The following NSDHL variants were observed in gnomAD, a reference collection of about 807,000 sequenced individuals.
NSDHL encodes NAD(P) dependent 3-beta-hydroxysteroid dehydrogenase NSDHL.
Under a neutral mutation model 23.0 loss-of-function variants are expected in NSDHL, and 1 was observed. That is an observed-to-expected ratio of 0.04 (90% CI 0.02 to 0.21). The LOEUF is 0.21. NSDHL is among the 10% of genes least tolerant of loss of function. The pLI, the probability that NSDHL is intolerant of heterozygous loss-of-function variation, is 1.00. For missense variants in NSDHL, 237 were observed against 300.9 expected, an observed-to-expected ratio of 0.79 and a Z score of 1.57; for synonymous variants, 128 against 121.1, an observed-to-expected ratio of 1.06 and a Z score of -0.37.
At chrX:152,854,875 G>A (rs782797189) in intron 3 of NSDHL, among the ~76,000 whole-genome samples, 1 of 108,387 alleles carries the variant, frequency 9.2e-6, no homozygotes, top group Non-Finnish European at 1.9e-5. Flanking sequence ...TTAAAAATGT[G>A]TTTTTATAGT....
chrX:152,868,424 C>T (rs782597869), intron 7 of NSDHL, among the ~76,000 whole-genome samples: 8 of 112,062 alleles, frequency 7.1e-5, no homozygotes, highest in Admixed American at 6.6e-4. Flanking sequence ...TGAGCCACCG[C>T]GCCTGGCCCG....
intron 1 of NSDHL, among the ~76,000 whole-genome samples, chrX:152,841,486 T>A (rs1308403781): frequency 3.6e-5 from 4 of 112,667 alleles, no homozygotes; most frequent in Non-Finnish European, 5.6e-5. Flanking sequence ...TAGCCTTATT[T>A]TGCTGTGGCA....
At chrX:152,852,419 A>T (rs1334257902) in intron 3 of NSDHL, among the ~76,000 whole-genome samples, 2 of 111,375 alleles carry the variant, frequency 1.8e-5, no homozygotes, top group Non-Finnish European at 3.8e-5. Flanking sequence ...AGGTCTTTGA[A>T]CTGAGTATAT....
chrX:152,836,465 G>C (rs1233584301), intron 1 of NSDHL, among the ~76,000 whole-genome samples: 2 of 111,649 alleles, frequency 1.8e-5, no homozygotes, highest in East Asian at 5.6e-4. Flanking sequence ...AATCCATCTT[G>C]AATTAATTTT....
intron 1 of NSDHL, among the ~76,000 whole-genome samples, chrX:152,842,690 C>CGGG (rs1476365598): frequency 6.3e-5 from 7 of 110,622 alleles, no homozygotes; most frequent in Non-Finnish European, 1.3e-4. Context: ...TTAGTAGAGA[C>CGGG]GGGGTTTCAC....
At chrX:152,839,603 C>T (rs183845796) in intron 1 of NSDHL, among the ~76,000 whole-genome samples, 73 of 112,589 alleles carry the variant, frequency 6.5e-4, no homozygotes, top group African/African-American at 2.1e-3. Context: ...AAATTCTTTT[C>T]TTTAAGAATG....
At chrX:152,857,433 T>A (rs141087065) in intron 3 of NSDHL, among the ~76,000 whole-genome samples, 2,395 of 112,323 alleles carry the variant, frequency 0.021, 55 homozygotes, top group African/African-American at 0.073. Flanking sequence ...ACCACTGATG[T>A]GGTATTCTTG....
rs782098115 is a variant in NSDHL at position 152,850,438 on chromosome X, A to G, written c.267+15A>G. ...GCAGCCGACAGGTAATGGACCATGC[A>G]GCCTTGCTGATTTCCCACGAGCCCA... On this transcript the variant is annotated intron_variant, in intron 3 of 7. Coordinates refer to ENST00000370274, the MANE Select transcript of NSDHL (RefSeq NM_015922.3). 1.7e-6 allele frequency: 2 copies of G among 1,205,848 alleles called. No individual in the cohort carries two copies. The highest frequency in any genetic ancestry group is 2.2e-6 in the Non-Finnish European group (2 of 891,123).
chrX:152,837,714 A>AT (rs1447217627), intron 1 of NSDHL, among the ~76,000 whole-genome samples: 2 of 111,512 alleles, frequency 1.8e-5, no homozygotes, highest in East Asian at 5.6e-4. Context: ...TTTATTGAGG[A>AT]TTTTTGCATC....
intron 6 of NSDHL, among the ~76,000 whole-genome samples, chrX:152,866,378 G>A (rs1272970035): frequency 8.8e-6 from 1 of 113,101 alleles, no homozygotes; most frequent in Non-Finnish European, 1.9e-5. Flanking sequence ...ACATATGAAT[G>A]TTGCGGGGAT....
intron 5 of NSDHL, among the ~76,000 whole-genome samples, chrX:152,863,492 C>T (rs181407435): frequency 8.9e-6 from 1 of 112,391 alleles, no homozygotes; most frequent in African/African-American, 3.2e-5. Context: ...CCTAGTGGCA[C>T]TCTCACCCCC....
At chrX:152,837,250 A>G (rs1454757061) in intron 1 of NSDHL, among the ~76,000 whole-genome samples, 3 of 111,253 alleles carry the variant, frequency 2.7e-5, no homozygotes, top group Non-Finnish European at 5.7e-5. Context: ...AACAGGGACA[A>G]TTTGACTTCC....
At chrX:152,834,292 C>T (rs1236997145) in intron 1 of NSDHL, among the ~76,000 whole-genome samples, 2 of 112,964 alleles carry the variant, frequency 1.8e-5, no homozygotes, top group African/African-American at 3.2e-5. Flanking sequence ...AGAGGAACAG[C>T]GTAAGCTAAG....
At chrX:152,853,599 C>G (rs1933394200) in intron 3 of NSDHL, among the ~76,000 whole-genome samples, 1 of 112,116 alleles carries the variant, frequency 8.9e-6, no homozygotes, top group Non-Finnish European at 1.9e-5. Context: ...GTCAAGCAAA[C>G]AGAGGCCTCT....
chrX:152,865,902 G>T lies in NSDHL; in HGVS notation c.627G>T (p.Pro209=). 1 of 1,211,968 alleles carries T rather than the reference G, an allele frequency of 8.3e-7. No individual in the cohort carries two copies. Among genetic ancestry groups the T allele is most frequent in the East Asian group, 3.0e-5 (1 of 33,858 alleles). The change falls in exon 6 of 8, where the codon CCG becomes CCT. Residue 209 remains proline, a synonymous_variant. Transcript: ENST00000370274. ...RPHGIFGPRD[P]QLVPILIEAA... ...ATGGCATTTTCGGCCCAAGGGACCC[G>T]CAGTTGGTACCCATCCTCATCGAGG...
chrX:152,841,213 C>T (rs782574579), intron 1 of NSDHL, among the ~76,000 whole-genome samples: 44 of 112,732 alleles, frequency 3.9e-4, no homozygotes, highest in Admixed American at 2.8e-4. Context: ...CAGTCTGTCA[C>T]GGCTTCCCTT....
intron 4 of NSDHL, among the ~76,000 whole-genome samples, chrX:152,859,575 G>C (rs1181788993): frequency 8.9e-6 from 1 of 112,414 alleles, no homozygotes; most frequent in East Asian, 2.8e-4. Flanking sequence ...TTTTCAGGCA[G>C]AACAATATTT....
At position 152,868,941 on chromosome X, in the gene NSDHL, C is replaced by T; in HGVS notation, c.947C>T (p.Pro316Leu). 8.2e-7 allele frequency: 1 copy of T among 1,212,172 alleles called. No individual in the cohort carries two copies. Among genetic ancestry groups the T allele is most frequent in the Non-Finnish European group, 1.1e-6 (1 of 895,595 alleles). The part of the protein sequence containing the change: ...LLSLLVMVIS[P>L]VIQLQPTFTP... The stretch of plus-strand genomic sequence containing the variant: ...TCCCTGCTGGTGATGGTGATCAGTC[C>T]TGTCATCCAGCTGCAGCCCACCTTC... The change falls in exon 8 of 8, where the codon CCT (proline) becomes CTT (leucine). Residue 316 changes from proline to leucine, a missense_variant. Coordinates refer to ENST00000370274, the MANE Select transcript of NSDHL (RefSeq NM_015922.3).
At position 152,844,941 on chromosome X, in the gene NSDHL, C is replaced by T. The variant is rs782174050; in HGVS notation, c.-43-1341C>T. ...AGTTCAATATCAGCCACATGTCTTT[C>T]GAATGAACAGTTGACAGGGCCCCTA... On this transcript the variant is annotated intron_variant, in intron 1 of 7. Coordinates refer to ENST00000370274, the MANE Select transcript of NSDHL (RefSeq NM_015922.3). 8.0e-5 allele frequency among the ~76,000 whole-genome samples: 9 copies of T among 111,902 alleles called. 1 individual carries two copies. The highest frequency in any genetic ancestry group is 2.8e-4 in the Admixed American group (3 of 10,584).
Sources: allele counts gnomAD v4.1 joint callset (sites outside exome capture counted in the v4.1 genomes callset), GRCh38; gene constraint gnomAD v4.1.1; transcripts MANE v1.5; gene names NCBI Gene and HGNC (gene_info 2026-07-23, HGNC 2026-07-21).